The following UBTD2 variants were observed in gnomAD, a reference collection of about 807,000 sequenced individuals.
UBTD2 encodes the protein ubiquitin domain containing 2.
Under a neutral mutation model 19.8 loss-of-function variants are expected in UBTD2, and 9 were observed. The observed-to-expected ratio is 0.46, with a 90% CI of 0.27 to 0.79. The LOEUF is 0.79. Ranked by LOEUF, UBTD2 falls within the 30% of genes least tolerant of loss-of-function variation. UBTD2 has a pLI of 0.14. For synonymous variants in UBTD2, 98 were observed against 103.9 expected (o/e 0.94, Z 0.35); for missense variants, 250 against 300.4 (o/e 0.83, Z 1.24).
At chr5:172,269,481 G>C (rs1755442744) in intron 1 of UBTD2, among the ~76,000 whole-genome samples, 1 of 147,438 alleles carries the variant, frequency 6.8e-6, no homozygotes, top group African/African-American at 2.5e-5. Context: ...ACAGAGTGAG[G>C]CCCTGTCTCA....
rs58327908 is a variant in UBTD2 at position 172,243,554 on chromosome 5, C to CTTTTTT, written c.71-9202_71-9197dup. ...TCCAGCCTCCAGAATTGTGAGAAACCTTTTTTTTTTTTTTTTTTTTTTTAA... is the reference window on the plus strand; with the variant it reads ...TCCAGCCTCCAGAATTGTGAGAAACCTTTTTTTTTTTTTTTTTTTTTTTTTTTTTAA... On this transcript the variant is annotated intron_variant, in intron 1 of 2. Coordinates refer to ENST00000393792, the MANE Select transcript of UBTD2 (RefSeq NM_152277.3). 4.2e-4 allele frequency among the ~76,000 whole-genome samples: 42 copies of CTTTTTT among 101,096 alleles called. 1 individual carries two copies. The East Asian group carries it at 4.4e-3, about 11-fold the overall frequency. 66.3% of individuals were successfully genotyped at this position (101,096 alleles called of 152,430 possible).
At chr5:172,251,249 G>T (rs1288843997) in intron 1 of UBTD2, among the ~76,000 whole-genome samples, 3 of 149,206 alleles carry the variant, frequency 2.0e-5, no homozygotes, top group African/African-American at 7.5e-5. Context: ...AACCCAGGAG[G>T]CCAGGCTTGC....
intron 2 of UBTD2, among the ~76,000 whole-genome samples, chr5:172,219,277 C>T (rs1175691070): frequency 1.3e-5 from 2 of 152,206 alleles, no homozygotes; most frequent in Admixed American, 6.5e-5. Context: ...GCATTCCTCC[C>T]TTTACTCACA....
In UBTD2 at chr5:172,255,302, C is replaced by A. The variant is rs115250820; in HGVS notation, c.71-20944G>T. On this transcript the variant is annotated intron_variant, in intron 1 of 2. Coordinates refer to ENST00000393792, the MANE Select transcript of UBTD2 (RefSeq NM_152277.3). ...AGGCCTTCTAGGGTCTGAAAGAACTCATCAGGCAATTGTGTGGAGTAGATG... is the reference window on the plus strand; with the variant it reads ...AGGCCTTCTAGGGTCTGAAAGAACTAATCAGGCAATTGTGTGGAGTAGATG... 4,243 of 446,520 alleles carry A rather than the reference C, an allele frequency of 9.5e-3. 150 individuals are homozygous for A. Among genetic ancestry groups the A allele is most frequent in the African/African-American group, 0.078 (3,845 of 49,416 alleles). The allele number at this position is 446,520 out of a possible 1,614,324, so 27.7% of individuals were successfully genotyped here.
At chr5:172,257,819 G>A (rs553486444) in intron 1 of UBTD2, among the ~76,000 whole-genome samples, 3 of 152,098 alleles carry the variant, frequency 2.0e-5, no homozygotes, top group African/African-American at 7.2e-5. Context: ...TCTTCTTTTG[G>A]TAAGTGTCTG....
chr5:172,221,965 G>A (rs189716961), intron 2 of UBTD2, among the ~76,000 whole-genome samples: 29 of 152,142 alleles, frequency 1.9e-4, no homozygotes, highest in Admixed American at 1.8e-3. Context: ...GGGGTATATG[G>A]GAAATCCCTG....
At position 172,211,323 on chromosome 5, in the gene UBTD2, A is replaced by T. The variant is rs140954812; in HGVS notation, c.*507T>A. The T allele has an allele frequency of 6.6e-6, 1 of 150,754 alleles. No homozygotes were observed. The highest frequency in any genetic ancestry group is 2.0e-4 in the East Asian group (1 of 5,094). 9.3% of individuals were successfully genotyped at this position (150,754 alleles called of 1,614,324 possible). A position where few individuals can be genotyped will look rare whatever the true frequency, so the allele number is the denominator to read the frequency against. On this transcript the variant is annotated 3_prime_UTR_variant, in exon 3 of 3. Transcript: ENST00000393792. ...AACCAGAATAGAAGCAACCTCAAAT[A>T]CTGCTCTTTTCAGTTTCCATTAACC...
At chr5:172,275,241 C>T (rs1218724167) in intron 1 of UBTD2, among the ~76,000 whole-genome samples, 3 of 152,130 alleles carry the variant, frequency 2.0e-5, no homozygotes, top group Non-Finnish European at 2.9e-5. Flanking sequence ...CTTGTGAGAA[C>T]TCACTCACTA....
chr5:172,251,942 T>C (rs750895621), intron 1 of UBTD2, among the ~76,000 whole-genome samples: 6 of 152,202 alleles, frequency 3.9e-5, no homozygotes, highest in South Asian at 2.1e-4. Flanking sequence ...ATGAGGGAGA[T>C]GACAATAATA....
intron 1 of UBTD2, among the ~76,000 whole-genome samples, chr5:172,250,788 C>A (rs1335636042): frequency 1.3e-5 from 2 of 151,726 alleles, no homozygotes; most frequent in Non-Finnish European, 2.9e-5. Flanking sequence ...AAAAAATTAG[C>A]CAGGCATGGT....
intron 1 of UBTD2, among the ~76,000 whole-genome samples, chr5:172,248,670 G>A (rs943718522): frequency 6.6e-6 from 1 of 151,734 alleles, no homozygotes; most frequent in Non-Finnish European, 1.5e-5. Context: ...GCAGAGGCAT[G>A]AGAATCACTT....
chr5:172,226,147 C>T (rs1771762588), intron 2 of UBTD2, among the ~76,000 whole-genome samples: 1 of 152,228 alleles, frequency 6.6e-6, no homozygotes, highest in Middle Eastern at 3.4e-3. Flanking sequence ...CAACCATGCC[C>T]TGCTATGGCA....
intron 2 of UBTD2, among the ~76,000 whole-genome samples, chr5:172,220,106 C>G (rs1771621493): frequency 6.6e-6 from 1 of 152,146 alleles, no homozygotes; most frequent in Non-Finnish European, 1.5e-5. Context: ...GAATCAAATT[C>G]AACACTGTAT....
chr5:172,231,160 A>G (rs1771887231), intron 2 of UBTD2, among the ~76,000 whole-genome samples: 1 of 152,232 alleles, frequency 6.6e-6, no homozygotes, highest in Non-Finnish European at 1.5e-5. Flanking sequence ...CAGTCTAGGT[A>G]AAAGCATACA....
rs1045064014 is a variant in UBTD2, at chr5:172,223,370, T to A, written c.307+10752A>T. Among the ~76,000 whole-genome samples the A allele has an allele frequency of 6.6e-5, 10 of 151,676 alleles. No individual in the cohort carries two copies. In the South Asian group the frequency reaches 2.1e-3, roughly 32 times the overall value. On this transcript the variant is annotated intron_variant, in intron 2 of 2. Transcript: ENST00000393792. The stretch of plus-strand genomic sequence containing the variant: ...CTGTAATCCCAGCACTTTGGGAGGC[T>A]GAGGTGGGCAGATCACGAGGTCAGG...
At chr5:172,263,171 T>A (rs1755307511) in intron 1 of UBTD2, among the ~76,000 whole-genome samples, 1 of 152,094 alleles carries the variant, frequency 6.6e-6, no homozygotes, top group Non-Finnish European at 1.5e-5. Context: ...GCTCAAGCAA[T>A]CTGCTTACCT....
At chr5:172,271,605 A>C (rs908532134) in intron 1 of UBTD2, among the ~76,000 whole-genome samples, 5 of 152,182 alleles carry the variant, frequency 3.3e-5, no homozygotes, top group Admixed American at 3.3e-4. Context: ...TAAGGTACTT[A>C]ATATACAGCA....
chr5:172,272,984 G>A lies in UBTD2; in HGVS notation c.70+10612C>T, dbSNP rs186172666. 4.3e-3 allele frequency among the ~76,000 whole-genome samples: 658 copies of A among 152,052 alleles called. 4 individuals carry two copies. Among genetic ancestry groups the A allele is most frequent in the African/African-American group, 0.015 (637 of 41,470 alleles). On this transcript the variant is annotated intron_variant, in intron 1 of 2. Coordinates refer to ENST00000393792, the MANE Select transcript of UBTD2 (RefSeq NM_152277.3). ...CCCAGCTACTCGGGAGGCTGAGGCAGGAAAATCGCTTGAACCCAGGAGACA... is the reference window on the plus strand; with the variant it reads ...CCCAGCTACTCGGGAGGCTGAGGCAAGAAAATCGCTTGAACCCAGGAGACA...
At chr5:172,255,221 G>A (rs751111838) in intron 1 of UBTD2, 10 of 448,768 alleles carry the variant, frequency 2.2e-5, no homozygotes, top group Non-Finnish European at 3.6e-5. Flanking sequence ...GCAGAAGGAG[G>A]TGAACTCCGC....
Sources: allele counts gnomAD v4.1 joint callset (sites outside exome capture counted in the v4.1 genomes callset), GRCh38; gene constraint gnomAD v4.1.1; transcripts MANE v1.5; gene names NCBI Gene and HGNC (gene_info 2026-07-23, HGNC 2026-07-21).